CDH9: variants seen among roughly 807,000 people sequenced by gnomAD.
CDH9 encodes cadherin 9.
In CDH9, 28 loss-of-function variants were observed where a neutral mutation model predicts 70.9. The ratio of observed to expected loss-of-function variants is 0.40; its 90% CI spans 0.29 to 0.54. The LOEUF is 0.54. CDH9 is among the 20% of genes least tolerant of loss of function. The pLI is 0.59. For synonymous variants in CDH9, 409 were observed against 343.1 expected, an observed-to-expected ratio of 1.19 and a Z score of -2.12; for missense variants, 874 against 984.4, an observed-to-expected ratio of 0.89 and a Z score of 1.50.
chr5:27,035,608 A>C (rs1200790810), intron 1 of CDH9, among the ~76,000 whole-genome samples: 1 of 151,254 alleles, frequency 6.6e-6, no homozygotes, highest in African/African-American at 2.4e-5. Flanking sequence ...CAAGAAACTA[A>C]CTAGAGTTTT....
intron 1 of CDH9, among the ~76,000 whole-genome samples, chr5:26,990,149 C>A (rs537575706): frequency 1.5e-3 from 234 of 152,250 alleles, no homozygotes; most frequent in African/African-American, 4.0e-3. Flanking sequence ...ATGATCATCA[C>A]AACCATCATC....
chr5:26,935,050 G>A (rs1741535267), intron 2 of CDH9, among the ~76,000 whole-genome samples: 1 of 152,030 alleles, frequency 6.6e-6, no homozygotes, highest in Non-Finnish European at 1.5e-5. Flanking sequence ...ACCAATTGGG[G>A]GTTATTCCAG....
intron 7 of CDH9, among the ~76,000 whole-genome samples, chr5:26,892,801 G>A (rs1043619661): frequency 5.9e-5 from 9 of 152,030 alleles, no homozygotes; most frequent in Non-Finnish European, 7.4e-5. Flanking sequence ...CGCGATCTCG[G>A]CTCACTGCAA....
Position 27,030,431 on chromosome 5 carries a change from C to T in CDH9, c.-50+8032G>A, listed in dbSNP as rs182311133. ...GAAGCACTTTTAGTTAAATTTATTC[C>T]GTCTTTGAAGTAAAAGAGTGGGGTA... On this transcript the variant is annotated intron_variant, in intron 1 of 11. Coordinates refer to ENST00000231021, the MANE Select transcript of CDH9 (RefSeq NM_016279.4). 4.2e-3 allele frequency among the ~76,000 whole-genome samples: 640 copies of T among 150,666 alleles called. 1 individual carries two copies. The highest frequency in any genetic ancestry group is 0.015 in the African/African-American group (614 of 41,034).
At chr5:26,981,047 CAT>C (rs750344448) in intron 2 of CDH9, among the ~76,000 whole-genome samples, 1 of 152,026 alleles carries the variant, frequency 6.6e-6, no homozygotes, top group Non-Finnish European at 1.5e-5. Context: ...CATGTCGGTA[CAT>C]TGGTTTTTTG....
intron 2 of CDH9, among the ~76,000 whole-genome samples, chr5:26,917,554 TTTAAA>T (rs1393151569): frequency 6.6e-6 from 1 of 152,110 alleles, no homozygotes; most frequent in Non-Finnish European, 1.5e-5. Flanking sequence ...TATTTGACTA[TTTAAA>T]TTATGTTTTT....
At chr5:26,889,716 T>C (rs1319650268) in intron 9 of CDH9, 120 bp downstream of exon 9, 1 of 585,010 alleles carries the variant, frequency 1.7e-6, no homozygotes, top group Non-Finnish European at 3.0e-6. Context: ...GGATAAATGG[T>C]GGACAAGAAG....
chr5:26,935,152 T>G (rs1370717920), intron 2 of CDH9, among the ~76,000 whole-genome samples: 1 of 152,056 alleles, frequency 6.6e-6, no homozygotes, highest in Admixed American at 6.6e-5. Context: ...CAAATAGATT[T>G]AGAAAAAGTA....
intron 7 of CDH9, among the ~76,000 whole-genome samples, chr5:26,891,362 T>A (rs1259553733): frequency 2.6e-5 from 4 of 152,178 alleles, no homozygotes; most frequent in African/African-American, 9.7e-5. Flanking sequence ...GTGTGTCTAG[T>A]TTAATCCTAT....
intron 1 of CDH9, among the ~76,000 whole-genome samples, chr5:27,020,002 G>A (rs1033150706): frequency 4.0e-5 from 6 of 151,712 alleles, no homozygotes; most frequent in Non-Finnish European, 8.8e-5. Flanking sequence ...TTAGAAAGTG[G>A]ACACCACTGG....
At position 26,902,517 on chromosome 5, in the gene CDH9, C is replaced by A; in HGVS notation, c.1212G>T (p.Gln404His). The change falls in exon 7 of 12, where the codon CAG (glutamine) becomes CAT (histidine). Residue 404 changes from glutamine (Q) to histidine (H), a missense_variant. Coordinates refer to ENST00000231021, the MANE Select transcript of CDH9 (RefSeq NM_016279.4). ...EDVKEGSIIG[Q>H]VTAYDPDARN... ...TGGCATCTGGATCGTATGCTGTAAC[C>A]TGTCCAATGATACTGCCCTCCTTTA... The A allele has an allele frequency of 6.2e-7, 1 of 1,605,190 alleles. No individual in the cohort carries two copies. Among genetic ancestry groups the A allele is most frequent in the Non-Finnish European group, 8.5e-7 (1 of 1,172,360 alleles).
chr5:26,920,583 CG>C (rs1035199936), intron 2 of CDH9, among the ~76,000 whole-genome samples: 3 of 152,066 alleles, frequency 2.0e-5, no homozygotes, highest in Non-Finnish European at 4.4e-5. Context: ...GTCCCAGTGG[CG>C]GGGGCCACAG....
At chr5:26,962,949 G>A (rs1184943690) in intron 2 of CDH9, among the ~76,000 whole-genome samples, 1 of 152,002 alleles carries the variant, frequency 6.6e-6, no homozygotes, top group Non-Finnish European at 1.5e-5. Context: ...GAACCCTCCT[G>A]ATAACCAACT....
At chr5:27,015,387 T>C (rs990207313) in intron 1 of CDH9, among the ~76,000 whole-genome samples, 1 of 151,826 alleles carries the variant, frequency 6.6e-6, no homozygotes, top group African/African-American at 2.4e-5. Flanking sequence ...TTTATTGAAA[T>C]TACTTTTATT....
At chr5:26,976,055 T>G (rs1742298631) in intron 2 of CDH9, among the ~76,000 whole-genome samples, 1 of 152,152 alleles carries the variant, frequency 6.6e-6, no homozygotes, top group Non-Finnish European at 1.5e-5. Flanking sequence ...TCCAAGTCAC[T>G]TAGTAGAAAA....
chr5:26,954,492 C>A (rs1233061962), intron 2 of CDH9, among the ~76,000 whole-genome samples: 9 of 146,116 alleles, frequency 6.2e-5, no homozygotes, highest in African/African-American at 1.0e-4. Context: ...TCACGCCATT[C>A]GCCTGCCTCA....
Position 26,988,214 on chromosome 5 carries a change from C to T in CDH9, c.120G>A (p.Leu40=). 1 of 1,613,500 alleles carries T rather than the reference C, an allele frequency of 6.2e-7. No individual in the cohort carries two copies. The highest frequency in any genetic ancestry group is 8.5e-7 in the Non-Finnish European group (1 of 1,179,636). The change falls in exon 2 of 12, where the codon CTG becomes CTA. Residue 40 remains leucine, a synonymous_variant. Transcript: ENST00000231021. ...SYLSSKKIAG[L]TKDDGKMLRR... is the part of the protein sequence containing the mutation. Reference sequence around the variant, plus strand: ...GTAGCATTTTACCGTCATCTTTTGTCAGACCCGCTATCTTTTTGCTTGATA... The same window carrying T: ...GTAGCATTTTACCGTCATCTTTTGTTAGACCCGCTATCTTTTTGCTTGATA...
At chr5:26,999,716 CT>C (rs1742730836) in intron 1 of CDH9, among the ~76,000 whole-genome samples, 1 of 152,082 alleles carries the variant, frequency 6.6e-6, no homozygotes, top group South Asian at 2.1e-4. Context: ...AGAGCTTTCA[CT>C]TTTCACTTGA....
intron 1 of CDH9, among the ~76,000 whole-genome samples, chr5:27,001,307 AT>A (rs1261821871): frequency 1.3e-5 from 2 of 152,144 alleles, no homozygotes; most frequent in Non-Finnish European, 2.9e-5. Flanking sequence ...ATGGAAAAAA[AT>A]TGCACAGAGG....
Sources: gnomAD v4.1 joint callset for allele counts (sites outside exome capture counted in the v4.1 genomes callset) on GRCh38, gnomAD v4.1.1 for gene constraint, MANE v1.5 for transcripts, NCBI Gene and HGNC (gene_info 2026-07-23, HGNC 2026-07-21) for gene names.